VPS53: variants seen among roughly 807,000 people sequenced by gnomAD.
VPS53 encodes VPS53 subunit of GARP complex.
Under a neutral mutation model 107.0 loss-of-function variants are expected in VPS53, and 70 were observed. The observed-to-expected ratio is 0.65, with a 90% CI of 0.54 to 0.80. The LOEUF (loss-of-function observed/expected upper bound fraction) is 0.80. VPS53 is among the 30% of genes least tolerant of loss of function. The pLI is 0.00. For synonymous variants in VPS53, 409 were observed against 393.3 expected (o/e 1.04, Z -0.47); for missense variants, 917 against 1,049.4 (o/e 0.87, Z 1.74).
At chr17:656,929 G>T in intron 5 of VPS53, 1 of 1,295,330 alleles carries the variant, frequency 7.7e-7, no homozygotes, top group Non-Finnish European at 1.1e-6. Flanking sequence ...AAACTTGAGT[G>T]CCAAAGCTGT....
At chr17:713,113 A>C (rs1478305302) in intron 1 of VPS53, among the ~76,000 whole-genome samples, 3 of 152,022 alleles carry the variant, frequency 2.0e-5, no homozygotes, top group African/African-American at 7.3e-5. Flanking sequence ...AGGCAGGGTT[A>C]TCACTTGAGC....
intron 11 of VPS53, among the ~76,000 whole-genome samples, chr17:615,477 G>C (rs1969094074): frequency 1.3e-5 from 2 of 152,152 alleles, no homozygotes; most frequent in Admixed American, 1.3e-4. Flanking sequence ...GACTGGAGAG[G>C]TTTGGAATGA....
chr17:620,320 G>A (rs914073569), intron 11 of VPS53, among the ~76,000 whole-genome samples: 1 of 152,168 alleles, frequency 6.6e-6, no homozygotes, highest in South Asian at 2.1e-4. Context: ...CGATTCACCC[G>A]CTTCACCTGC....
chr17:581,956 C>T (rs1967045559), intron 13 of VPS53, among the ~76,000 whole-genome samples: 1 of 150,986 alleles, frequency 6.6e-6, no homozygotes, highest in African/African-American at 2.4e-5. Context: ...GAGACCCTCC[C>T]TCAGAACCTA....
chr17:657,543 G>A, intron 5 of VPS53: 1 of 1,208,994 alleles, frequency 8.3e-7, no homozygotes, highest in South Asian at 1.2e-5. Context: ...GGCACCACGA[G>A]CCATGGCTGC....
intron 12 of VPS53, among the ~76,000 whole-genome samples, chr17:589,853 G>A (rs968512955): frequency 2.5e-4 from 38 of 151,992 alleles, no homozygotes; most frequent in South Asian, 1.2e-3. Flanking sequence ...TTGACTTGGC[G>A]ATGTGGGCTC....
intron 4 of VPS53, among the ~76,000 whole-genome samples, chr17:662,557 C>G (rs1031593432): frequency 6.6e-6 from 1 of 151,942 alleles, no homozygotes; most frequent in African/African-American, 2.4e-5. Flanking sequence ...GGCACAGTGG[C>G]ACGCACCTGT....
chr17:598,852 C>T (rs1354803175), intron 12 of VPS53, among the ~76,000 whole-genome samples: 1 of 82,636 alleles, frequency 1.2e-5, no homozygotes, highest in African/African-American at 4.3e-5. Context: ...CGGCAGCCAC[C>T]CCGTCCGGGA....
chr17:603,143 G>C (rs1456827599), intron 11 of VPS53, among the ~76,000 whole-genome samples: 1 of 152,174 alleles, frequency 6.6e-6, no homozygotes, highest in Non-Finnish European at 1.5e-5. Context: ...CTTACACAAA[G>C]GCCGGGTGCA....
At chr17:669,195 T>C (rs907328218) in intron 4 of VPS53, among the ~76,000 whole-genome samples, 2 of 152,146 alleles carry the variant, frequency 1.3e-5, no homozygotes, top group African/African-American at 4.8e-5. Context: ...CTACAAGAAG[T>C]TAAGGTTTTT....
At chr17:634,141 C>A (rs1970086516) in intron 7 of VPS53, among the ~76,000 whole-genome samples, 2 of 152,182 alleles carry the variant, frequency 1.3e-5, no homozygotes, top group South Asian at 4.1e-4. Flanking sequence ...CTGGCCCGAA[C>A]TATTTGCTAC....
At chr17:639,993 C>T (rs891061215) in intron 7 of VPS53, among the ~76,000 whole-genome samples, 2 of 152,206 alleles carry the variant, frequency 1.3e-5, no homozygotes, top group Non-Finnish European at 2.9e-5. Context: ...GCCCTGCCCC[C>T]AGAGGTGGAG....
chr17:656,474 A>T (rs1241107416), intron 5 of VPS53, among the ~76,000 whole-genome samples: 1 of 152,212 alleles, frequency 6.6e-6, no homozygotes, highest in African/African-American at 2.4e-5. Flanking sequence ...GTAAGTTACT[A>T]GGAGGGCAGG....
At chr17:662,761 GAAAGAAAGAAAGAGAAAGAAAGAAAA>G (rs1299497989) in intron 4 of VPS53, among the ~76,000 whole-genome samples, 11 of 133,216 alleles carry the variant, frequency 8.3e-5, no homozygotes, top group African/African-American at 2.5e-4. Context: ...GAGAAAGAAA[GAAAGAAAGAAAGAGAAAGAAAGAAAA>G]AAAGAAAGAG....
intron 4 of VPS53, among the ~76,000 whole-genome samples, chr17:670,990 G>A (rs745447688): frequency 6.6e-6 from 1 of 152,090 alleles, no homozygotes; most frequent in Non-Finnish European, 1.5e-5. Context: ...CAGCACTTTC[G>A]GAGGCCGAGG....
At chr17:567,384 C>T (rs1012921912) in intron 13 of VPS53, among the ~76,000 whole-genome samples, 4 of 152,182 alleles carry the variant, frequency 2.6e-5, no homozygotes, top group Admixed American at 1.3e-4. Flanking sequence ...GCTTTGATGC[C>T]ACATGAGACA....
Position 690,015 on chromosome 17 carries a change from G to C in VPS53, c.285+7403C>G, listed in dbSNP as rs565602956. Among the ~76,000 whole-genome samples, 89 of 152,108 alleles carry C rather than the reference G, an allele frequency of 5.9e-4. No homozygotes were observed. In the South Asian group the frequency reaches 7.5e-3, roughly 13 times the overall value. On this transcript the variant is annotated intron_variant, in intron 4 of 21. Coordinates refer to ENST00000437048, the MANE Select transcript of VPS53 (RefSeq NM_001128159.3). ...CAGACAGGTAGAAATCCTGTTTTTT[G>C]GGTCTGGCACTTTGCGCTGAAGTGA... is the stretch of plus-strand genomic sequence containing the variant.
intron 12 of VPS53, among the ~76,000 whole-genome samples, chr17:599,232 C>T (rs1320893542): frequency 1.3e-5 from 2 of 151,560 alleles, no homozygotes; most frequent in Non-Finnish European, 1.5e-5. Flanking sequence ...TGCCCGGCCA[C>T]CACCCTGTCT....
intron 10 of VPS53, among the ~76,000 whole-genome samples, chr17:625,686 C>G (rs1302076155): frequency 6.6e-6 from 1 of 152,172 alleles, no homozygotes; most frequent in African/African-American, 2.4e-5. Context: ...GTCTTCTGCT[C>G]AATTCTGCTG....
Sources: allele counts gnomAD v4.1 joint callset (sites outside exome capture counted in the v4.1 genomes callset), GRCh38; gene constraint gnomAD v4.1.1; transcripts MANE v1.5; gene names NCBI Gene and HGNC (gene_info 2026-07-23, HGNC 2026-07-21).